The following ABTB3 variants were observed in gnomAD, a reference collection of about 807,000 sequenced individuals.
ABTB3 encodes ankyrin repeat and BTB domain containing 3.
chr12:107,509,578 A>G, the ABTB3 span, among the ~76,000 whole-genome samples: 1 of 152,172 alleles, frequency 6.6e-6, no homozygotes, highest in African/African-American at 2.4e-5. Flanking sequence ...CATAGCAGGA[A>G]TGGGGTCCCA....
At chr12:107,595,214 C>A in the ABTB3 span, among the ~76,000 whole-genome samples, 1 of 152,192 alleles carries the variant, frequency 6.6e-6, no homozygotes, top group African/African-American at 2.4e-5. Flanking sequence ...GTTTCCTGAT[C>A]TTAAGAAGGT....
chr12:107,373,141 C>G, the ABTB3 span, among the ~76,000 whole-genome samples: 1 of 152,186 alleles, frequency 6.6e-6, no homozygotes, highest in Non-Finnish European at 1.5e-5. Context: ...TGGCCTAGAA[C>G]AACATTGGCA....
chr12:107,624,025 G>A, the ABTB3 span, among the ~76,000 whole-genome samples: 2 of 152,092 alleles, frequency 1.3e-5, no homozygotes, highest in South Asian at 4.1e-4. Context: ...TCAGGGAACT[G>A]CAGGTGATTA....
chr12:107,570,189 G>A, the ABTB3 span, among the ~76,000 whole-genome samples: 1 of 152,126 alleles, frequency 6.6e-6, no homozygotes, highest in Non-Finnish European at 1.5e-5. Context: ...CTCTGCCACA[G>A]TATAAATATA....
At chr12:107,540,234 T>A in the ABTB3 span, among the ~76,000 whole-genome samples, 1 of 152,258 alleles carries the variant, frequency 6.6e-6, no homozygotes, top group East Asian at 1.9e-4. Context: ...GCCTCCAAGA[T>A]GGTGGCTTGT....
the ABTB3 span, among the ~76,000 whole-genome samples, chr12:107,561,286 C>A: frequency 2.0e-5 from 3 of 152,148 alleles, no homozygotes; most frequent in African/African-American, 7.2e-5. Flanking sequence ...AAACTAAAGA[C>A]CAACTTGTTG....
At chr12:107,580,916 C>A in the ABTB3 span, 1 of 1,551,458 alleles carries the variant, frequency 6.4e-7, no homozygotes, top group Non-Finnish European at 8.7e-7. Flanking sequence ...GATGAGGAAA[C>A]TGAGGCCCAA....
chr12:107,398,477 C>T, the ABTB3 span, among the ~76,000 whole-genome samples: 1 of 152,242 alleles, frequency 6.6e-6, no homozygotes, highest in Non-Finnish European at 1.5e-5. Context: ...AAGTAGCAGG[C>T]TTGCCCGTTG....
At chr12:107,643,774 G>A in the ABTB3 span, among the ~76,000 whole-genome samples, 1 of 73,022 alleles carries the variant, frequency 1.4e-5, no homozygotes, top group Non-Finnish European at 3.1e-5. Flanking sequence ...TTTTTTTGTT[G>A]AGAGAGAGAG....
the ABTB3 span, among the ~76,000 whole-genome samples, chr12:107,513,356 C>T: frequency 8.5e-5 from 13 of 152,218 alleles, no homozygotes; most frequent in African/African-American, 1.9e-4. Context: ...ATGTCAAGGG[C>T]GGGAGCAGGT....
chr12:107,346,535 C>G, the ABTB3 span, among the ~76,000 whole-genome samples: 1 of 152,118 alleles, frequency 6.6e-6, no homozygotes, highest in Non-Finnish European at 1.5e-5. Context: ...TCTTGGCTTA[C>G]TGCAACCTCT....
At chr12:107,360,720 A>G in the ABTB3 span, among the ~76,000 whole-genome samples, 1 of 152,098 alleles carries the variant, frequency 6.6e-6, no homozygotes, top group African/African-American at 2.4e-5. Context: ...TGTGCTCACC[A>G]AAGGAGTTCT....
chr12:107,598,938 G>A, the ABTB3 span, among the ~76,000 whole-genome samples: 1 of 152,166 alleles, frequency 6.6e-6, no homozygotes, highest in African/African-American at 2.4e-5. Context: ...TCAAGGGTCT[G>A]GATGTTCCTC....
the ABTB3 span, among the ~76,000 whole-genome samples, chr12:107,587,553 T>C: frequency 6.6e-6 from 1 of 151,954 alleles, no homozygotes. Context: ...GGTTCAGAGT[T>C]TCAGAGGGAG....
the ABTB3 span, among the ~76,000 whole-genome samples, chr12:107,544,397 G>T: frequency 6.6e-6 from 1 of 152,162 alleles, no homozygotes; most frequent in South Asian, 2.1e-4. Flanking sequence ...AATTCCAGAG[G>T]GTAAGGGCCT....
At chr12:107,490,885 C>G in the ABTB3 span, among the ~76,000 whole-genome samples, 2 of 152,088 alleles carry the variant, frequency 1.3e-5, no homozygotes, top group African/African-American at 4.8e-5. Context: ...ATTCAGTCTT[C>G]ACAACCATCC....
At chr12:107,380,571 CT>C in the ABTB3 span, among the ~76,000 whole-genome samples, 1 of 152,106 alleles carries the variant, frequency 6.6e-6, no homozygotes, top group Non-Finnish European at 1.5e-5. Context: ...AGGAAATGAC[CT>C]GTCTAAGGCT....
the ABTB3 span, among the ~76,000 whole-genome samples, chr12:107,550,953 C>T: frequency 6.6e-6 from 1 of 152,132 alleles, no homozygotes; most frequent in Non-Finnish European, 1.5e-5. Context: ...CACTTATGAC[C>T]ATTATTAGTC....
At chr12:107,508,630 ATTT>A in the ABTB3 span, among the ~76,000 whole-genome samples, 2 of 151,118 alleles carry the variant, frequency 1.3e-5, no homozygotes, top group Non-Finnish European at 1.5e-5. Context: ...AATTTTTTGT[ATTT>A]TTAGTAGAGA....
Sources: allele counts gnomAD v4.1 joint callset (sites outside exome capture counted in the v4.1 genomes callset), GRCh38; gene constraint gnomAD v4.1.1; transcripts MANE v1.5; gene names NCBI Gene and HGNC (gene_info 2026-07-23, HGNC 2026-07-21).